MAP3K7: variants seen among roughly 807,000 people sequenced by gnomAD.
The protein encoded by MAP3K7 is TGF-beta activated kinase 1.
A neutral mutation model predicts 84.8 loss-of-function variants in MAP3K7; 21 were observed. The observed-to-expected ratio is 0.25, with a 90% confidence interval of 0.18 to 0.36. MAP3K7 has a LOEUF of 0.36. MAP3K7 is among the 10% of genes least tolerant of loss of function. The pLI is 1.00. For synonymous variants in MAP3K7, 241 were observed against 247.7 expected (o/e 0.97, Z 0.25); for missense variants, 503 against 747.7 (o/e 0.67, Z 3.82).
At chr6:90,527,819 T>C (rs1775371774) in intron 13 of MAP3K7, among the ~76,000 whole-genome samples, 2 of 152,100 alleles carry the variant, frequency 1.3e-5, no homozygotes, top group South Asian at 2.1e-4. Flanking sequence ...ATTTCATATA[T>C]TAAAGCCTTT....
At chr6:90,585,138 C>T (rs2325303) in intron 1 of MAP3K7, among the ~76,000 whole-genome samples, 7,678 of 152,126 alleles carry the variant, frequency 0.05, 302 homozygotes, top group African/African-American at 0.1. Flanking sequence ...TTTATTAGCC[C>T]TTTCTTAGAG....
chr6:90,544,417 T>C, intron 12 of MAP3K7, 135 bp downstream of exon 12: 1 of 697,252 alleles, frequency 1.4e-6, no homozygotes, highest in Non-Finnish European at 2.6e-6. Context: ...TTTTTCAATC[T>C]GTCTCCCTAA....
At chr6:90,529,356 A>G (rs1775425191) in intron 13 of MAP3K7, among the ~76,000 whole-genome samples, 2 of 142,960 alleles carry the variant, frequency 1.4e-5, no homozygotes, top group African/African-American at 4.9e-5. Flanking sequence ...AAACTCAGCA[A>G]CTTCACATGT....
chr6:90,545,074 T>G (rs1345144054), intron 11 of MAP3K7, among the ~76,000 whole-genome samples: 2 of 152,094 alleles, frequency 1.3e-5, no homozygotes, highest in Non-Finnish European at 2.9e-5. Context: ...AGGTGTTTCT[T>G]GAAGTGTGCT....
At chr6:90,570,920 C>G (rs1776879483) in intron 2 of MAP3K7, among the ~76,000 whole-genome samples, 1 of 152,166 alleles carries the variant, frequency 6.6e-6, no homozygotes, top group Non-Finnish European at 1.5e-5. Context: ...AATCACTTAT[C>G]AGCATTTCTC....
In MAP3K7 at chr6:90,516,254, T is replaced by C. The variant is rs1774956909; in HGVS notation, c.*247A>G. ...ATACAGCCACAGTTCACTGCATCTG[T>C]TTTGAAGTTGCAAAGTGCTGCTCAT... On this transcript the variant is annotated 3_prime_UTR_variant, in exon 17 of 17. Coordinates refer to ENST00000369329, the MANE Select transcript of MAP3K7 (RefSeq NM_145331.3). The C allele has an allele frequency of 1.9e-6, 1 of 534,428 alleles. No homozygotes were observed. The highest frequency in any genetic ancestry group is 3.3e-6 in the Non-Finnish European group (1 of 301,572). 33.1% of individuals were successfully genotyped at this position (534,428 alleles called of 1,614,324 possible).
At chr6:90,519,120 G>C in intron 15 of MAP3K7, 138 bp downstream of exon 15, 1 of 587,932 alleles carries the variant, frequency 1.7e-6, no homozygotes, top group South Asian at 2.1e-5. Context: ...ATTTTGATTT[G>C]ATTCTAAAAA....
At chr6:90,582,938 G>A (rs751415748) in intron 1 of MAP3K7, among the ~76,000 whole-genome samples, 1 of 147,198 alleles carries the variant, frequency 6.8e-6, no homozygotes, top group Admixed American at 6.8e-5. Context: ...GCTAGGGTGC[G>A]GTGGCATGAT....
chr6:90,531,880 C>G (rs1366216465), intron 13 of MAP3K7, among the ~76,000 whole-genome samples: 1 of 150,868 alleles, frequency 6.6e-6, no homozygotes, highest in African/African-American at 2.4e-5. Flanking sequence ...CACTTGAACT[C>G]AGGAGGCAGA....
intron 2 of MAP3K7, among the ~76,000 whole-genome samples, chr6:90,568,878 G>A (rs1776805551): frequency 6.6e-6 from 1 of 152,140 alleles, no homozygotes; most frequent in Admixed American, 6.5e-5. Context: ...TTAAATCAAT[G>A]TGCAAAGTGC....
chr6:90,544,426 A>G, intron 12 of MAP3K7, 126 bp downstream of exon 12: 1 of 758,334 alleles, frequency 1.3e-6, no homozygotes, highest in Non-Finnish European at 2.3e-6. Flanking sequence ...CTGTCTCCCT[A>G]ATTACTGCAT....
chr6:90,548,729 G>T (rs1776084450), intron 9 of MAP3K7, among the ~76,000 whole-genome samples: 1 of 151,042 alleles, frequency 6.6e-6, no homozygotes, highest in African/African-American at 2.4e-5. Flanking sequence ...TTGGGGAGAT[G>T]AGGAATAACC....
rs1170586151 is a variant in MAP3K7, at chr6:90,516,022, T to A, written c.*479A>T. The stretch of plus-strand genomic sequence containing the variant: ...CCGTATTTCCGTAATATACCACCAA[T>A]CACTCTAAATTTATAATACCCTGTC... On this transcript the variant is annotated 3_prime_UTR_variant, in exon 17 of 17. Coordinates refer to ENST00000369329, the MANE Select transcript of MAP3K7 (RefSeq NM_145331.3). 6.0e-6 allele frequency: 1 copy of A among 166,134 alleles called. No homozygotes were observed. The highest frequency in any genetic ancestry group is 2.4e-5 in the African/African-American group (1 of 41,460). The allele number at this position is 166,134 out of a possible 1,614,324, so 10.3% of individuals were successfully genotyped here.
intron 13 of MAP3K7, among the ~76,000 whole-genome samples, chr6:90,533,165 C>T (rs900334641): frequency 6.6e-6 from 1 of 152,166 alleles, no homozygotes; most frequent in Non-Finnish European, 1.5e-5. Context: ...CTATCTGGCA[C>T]AAAGTCAGTG....
intron 13 of MAP3K7, among the ~76,000 whole-genome samples, chr6:90,529,891 T>C (rs553660222): frequency 5.4e-4 from 82 of 152,282 alleles, no homozygotes; most frequent in Admixed American, 2.0e-3. Context: ...TAGATACTCA[T>C]TGAATAAAAT....
intron 1 of MAP3K7, among the ~76,000 whole-genome samples, chr6:90,574,635 T>C (rs1374465143): frequency 6.6e-6 from 1 of 152,232 alleles, no homozygotes; most frequent in East Asian, 1.9e-4. Context: ...CCTTCTTTCA[T>C]TTCTTCCATT....
At chr6:90,556,468 T>A in intron 6 of MAP3K7, 32 bp downstream of exon 6, 2 of 1,600,178 alleles carry the variant, frequency 1.2e-6, no homozygotes, top group Non-Finnish European at 1.7e-6. Flanking sequence ...GTGAGGGAGA[T>A]TATCAAACAT....
chr6:90,550,637 C>A, intron 8 of MAP3K7, 88 bp from the exon 9 acceptor site: 1 of 787,880 alleles, frequency 1.3e-6, no homozygotes, highest in Non-Finnish European at 2.0e-6. Flanking sequence ...AAGTTATATA[C>A]TAAATTTGTA....
rs111956782 is a variant in MAP3K7 at position 90,586,477 on chromosome 6, C to G, written c.120+287G>C. Among the ~76,000 whole-genome samples the G allele has an allele frequency of 2.2e-3, 339 of 151,888 alleles. 1 individual carries two copies. Among genetic ancestry groups the G allele is most frequent in the African/African-American group, 7.6e-3 (317 of 41,470 alleles). ...AAACTACTACTTACAGATACGAGAA[C>G]TGGTGGACCACACTATCTCACCAGT... On this transcript the variant is annotated intron_variant, in intron 1 of 16. Coordinates refer to ENST00000369329, the MANE Select transcript of MAP3K7 (RefSeq NM_145331.3).
Sources: allele counts gnomAD v4.1 joint callset (sites outside exome capture counted in the v4.1 genomes callset), GRCh38; gene constraint gnomAD v4.1.1; transcripts MANE v1.5; gene names NCBI Gene and HGNC (gene_info 2026-07-23, HGNC 2026-07-21).